Variants in IARS1 observed in about 807,000 individuals in gnomAD.
The protein encoded by IARS1 is isoleucine--tRNA ligase, cytoplasmic.
IARS1 carries 124 observed loss-of-function variants against 168.2 expected under a neutral mutation model. The ratio of observed to expected loss-of-function variants is 0.74; its 90% CI spans 0.64 to 0.86. The LOEUF is 0.86. Among genes scored for constraint, IARS1 ranks in the 40% least tolerant of loss-of-function variants. The probability of loss-of-function intolerance (pLI) is 0.00; values close to 1 mark genes in which losing one functional copy is unlikely to be tolerated. For synonymous variants in IARS1, 532 were observed against 529.4 expected, an observed-to-expected ratio of 1.00 and a Z score of -0.07; for missense variants, 1,452 against 1,515.8, an observed-to-expected ratio of 0.96 and a Z score of 0.70.
intron 5 of IARS1, chr9:92,286,089 T>C (rs936030267): frequency 3.8e-5 from 15 of 389,698 alleles, no homozygotes; most frequent in Admixed American, 7.6e-5. Flanking sequence ...ACTGGCAGGC[T>C]GGGCGCAGTG....
intron 1 of IARS1, among the ~76,000 whole-genome samples, chr9:92,289,844 G>A (rs950834706): frequency 6.6e-6 from 1 of 152,018 alleles, no homozygotes; most frequent in African/African-American, 2.4e-5. Context: ...CCTTTCTCTA[G>A]CATGTTTTCA....
intron 20 of IARS1, among the ~76,000 whole-genome samples, chr9:92,254,545 G>C (rs1453339334): frequency 1.3e-5 from 2 of 152,214 alleles, no homozygotes; most frequent in African/African-American, 2.4e-5. Context: ...CCCCAGGCCA[G>C]AGTCGTTAGC....
At chr9:92,215,176 C>T (rs531270370) in intron 33 of IARS1, among the ~76,000 whole-genome samples, 42 of 152,310 alleles carry the variant, frequency 2.8e-4, no homozygotes, top group Non-Finnish European at 3.8e-4. Flanking sequence ...ATACCTCACA[C>T]GGCAGGGTAT....
chr9:92,237,219 T>C (rs926809852), intron 30 of IARS1, among the ~76,000 whole-genome samples: 3 of 152,238 alleles, frequency 2.0e-5, no homozygotes, highest in Admixed American at 6.5e-5. Context: ...TTAGCCACAT[T>C]CCACATATTT....
intron 30 of IARS1, among the ~76,000 whole-genome samples, chr9:92,235,000 C>T (rs76107081): frequency 6.6e-6 from 1 of 152,064 alleles, no homozygotes; most frequent in Non-Finnish European, 1.5e-5. Flanking sequence ...ACCGCCATCA[C>T]ACCTAATTCT....
chr9:92,273,154 T>G (rs1833332587), intron 10 of IARS1, among the ~76,000 whole-genome samples: 1 of 148,948 alleles, frequency 6.7e-6, no homozygotes, highest in African/African-American at 2.5e-5. Flanking sequence ...AAAAAACCCC[T>G]ACACTACAAT....
intron 33 of IARS1, among the ~76,000 whole-genome samples, chr9:92,220,274 G>C (rs530641004): frequency 3.1e-5 from 2 of 63,900 alleles, no homozygotes; most frequent in South Asian, 1.2e-3. Context: ...GTTGTGGGGT[G>C]GGGGGAGGGG....
intron 33 of IARS1, among the ~76,000 whole-genome samples, chr9:92,215,852 G>T (rs1838583909): frequency 6.6e-6 from 1 of 152,088 alleles, no homozygotes; most frequent in African/African-American, 2.4e-5. Flanking sequence ...CACTCTGCAG[G>T]ATATTATCCA....
chr9:92,212,883 G>C (rs1837993748), intron 33 of IARS1, among the ~76,000 whole-genome samples: 1 of 152,192 alleles, frequency 6.6e-6, no homozygotes, highest in South Asian at 2.1e-4. Flanking sequence ...AGGAGCTTTG[G>C]GGGCTCTAAG....
chr9:92,290,812 C>CA (rs1836200622), intron 1 of IARS1, among the ~76,000 whole-genome samples: 1 of 152,006 alleles, frequency 6.6e-6, no homozygotes, highest in Admixed American at 6.6e-5. Context: ...AAAAATATCT[C>CA]AAAGTAGTTA....
chr9:92,242,854 G>T, intron 28 of IARS1: 1 of 224,484 alleles, frequency 4.5e-6, no homozygotes, highest in Non-Finnish European at 8.9e-6. Flanking sequence ...TCCAAATCCG[G>T]GAATCTCCCC....
chr9:92,263,660 T>C (rs757599960), intron 16 of IARS1, among the ~76,000 whole-genome samples: 20 of 152,120 alleles, frequency 1.3e-4, no homozygotes, highest in Non-Finnish European at 2.2e-4. Context: ...ATAGTTAACA[T>C]AAACACTGAT....
intron 33 of IARS1, among the ~76,000 whole-genome samples, chr9:92,216,878 A>C (rs1359381374): frequency 6.7e-6 from 1 of 149,278 alleles, no homozygotes; most frequent in Non-Finnish European, 1.5e-5. Flanking sequence ...ACAGAAAGTC[A>C]ACAAGGATAC....
chr9:92,258,790 A>T, intron 19 of IARS1, 64 bp downstream of exon 19: 1 of 1,486,812 alleles, frequency 6.7e-7, no homozygotes, highest in Non-Finnish European at 9.0e-7. Flanking sequence ...TCCACCTCAC[A>T]GCTTGGTGAA....
At position 92,277,909 on chromosome 9, in the gene IARS1, T is replaced by C. The variant is rs749370371; in HGVS notation, c.848A>G (p.Tyr283Cys). The part of the protein sequence containing the change: ...YEILERFPGA[Y>C]LKGKKYRPLF... Reference sequence around the variant, plus strand: ...GGGCCTGTACTTCTTGCCTTTAAGATAGGCACCAGGAAATCTAGAAAAGGA... The same window carrying C: ...GGGCCTGTACTTCTTGCCTTTAAGACAGGCACCAGGAAATCTAGAAAAGGA... Residue 283 changes from tyrosine (Y) to cysteine (C), a missense_variant, in exon 9 of 34, where the codon TAT becomes TGT. By Grantham distance (194) the Tyr-to-Cys change is radical (BLOSUM62 -2). Coordinates refer to ENST00000443024, the MANE Select transcript of IARS1 (RefSeq NM_002161.6). 6.2e-7 allele frequency: 1 copy of C among 1,613,844 alleles called. No homozygotes were observed. The highest frequency in any genetic ancestry group is 1.7e-5 in the Admixed American group (1 of 59,964).
rs773013469 is a variant in IARS1 at position 92,265,011 on chromosome 9, A to G, written c.1618T>C (p.Tyr540His). Reference sequence around the variant, plus strand: ...AACTCCCTCTTGTTTTCAAACGGGTAATGAACCTGAGCATAGGGCATGCTG... The same window carrying G: ...AACTCCCTCTTGTTTTCAAACGGGTGATGAACCTGAGCATAGGGCATGCTG... ...SGSMPYAQVH[Y>H]PFENKREFED... The change falls in exon 16 of 34, where the codon TAC becomes CAC. Residue 540 changes from tyrosine to histidine, a missense_variant. Physicochemically the swap from Tyr to His is moderately conservative, Grantham distance 83 (BLOSUM62 2). Coordinates refer to ENST00000443024, the MANE Select transcript of IARS1 (RefSeq NM_002161.6). 11 of 1,614,072 alleles carry G rather than the reference A, an allele frequency of 6.8e-6. No individual in the cohort carries two copies. The highest frequency in any genetic ancestry group is 2.7e-5 in the African/African-American group (2 of 74,946).
intron 10 of IARS1, among the ~76,000 whole-genome samples, chr9:92,273,205 G>C (rs976059983): frequency 6.6e-6 from 1 of 151,576 alleles, no homozygotes; most frequent in South Asian, 2.1e-4. Context: ...TACTAAGAGT[G>C]GGGTAACCAT....
In IARS1 at chr9:92,277,881, C is replaced by G. The variant is rs142998181; in HGVS notation, c.876G>C (p.Leu292=). The G allele has an allele frequency of 1.9e-6, 3 of 1,613,876 alleles. No individual in the cohort carries two copies. The highest frequency in any genetic ancestry group is 1.7e-5 in the Admixed American group (1 of 59,994). ...AYLKGKKYRP[L]FDYFLKCKEN... ...AGCTTACCTTCAGGAAATAGTCAAA[C>G]AGGGGCCTGTACTTCTTGCCTTTAA... Residue 292 remains leucine (L), a synonymous_variant, in exon 9 of 34, where the codon CTG becomes CTC. Coordinates refer to ENST00000443024, the MANE Select transcript of IARS1 (RefSeq NM_002161.6).
intron 11 of IARS1, 25 bp downstream of exon 11, chr9:92,271,508 C>T (rs372198044): frequency 3.7e-6 from 6 of 1,613,446 alleles, no homozygotes; most frequent in Non-Finnish European, 4.2e-6. Flanking sequence ...AACAGTCACC[C>T]TTCTATGCTA....
Sources: allele counts gnomAD v4.1 joint callset (sites outside exome capture counted in the v4.1 genomes callset), GRCh38; gene constraint gnomAD v4.1.1; transcripts MANE v1.5; gene names NCBI Gene and HGNC (gene_info 2026-07-23, HGNC 2026-07-21).